CPEB1: variants seen among roughly 807,000 people sequenced by gnomAD.
The protein encoded by CPEB1 is cytoplasmic polyadenylation element-binding protein 1.
In CPEB1, 7 loss-of-function variants were observed where a neutral mutation model predicts 65.8. That is an observed-to-expected ratio of 0.11 (90% CI 0.06 to 0.20). The LOEUF is 0.20. Ranked by LOEUF, CPEB1 falls within the 10% of genes least tolerant of loss-of-function variation. The pLI, the probability that CPEB1 is intolerant of heterozygous loss-of-function variation, is 1.00. For missense variants in CPEB1, 551 were observed against 712.2 expected, an observed-to-expected ratio of 0.77 and a Z score of 2.58; for synonymous variants, 262 against 260.0, an observed-to-expected ratio of 1.01 and a Z score of -0.08.
At chr15:82,569,499 G>A (rs2039684829) in intron 4 of CPEB1, among the ~76,000 whole-genome samples, 1 of 152,192 alleles carries the variant, frequency 6.6e-6, no homozygotes, top group South Asian at 2.1e-4. Context: ...TCACTAAAGT[G>A]CTTGGGATGG....
chr15:82,613,706 T>C (rs922209449), intron 3 of CPEB1, among the ~76,000 whole-genome samples: 1 of 152,214 alleles, frequency 6.6e-6, no homozygotes, highest in African/African-American at 2.4e-5. Context: ...AAAAGAACTT[T>C]CTTAATCAGA....
intron 4 of CPEB1, among the ~76,000 whole-genome samples, chr15:82,563,902 T>C (rs1280520872): frequency 2.0e-5 from 3 of 152,140 alleles, no homozygotes; most frequent in East Asian, 3.8e-4. Context: ...AGGTAACTTA[T>C]CTAATCAGCA....
chr15:82,578,404 A>T (rs1372553716), intron 3 of CPEB1, among the ~76,000 whole-genome samples: 1 of 152,188 alleles, frequency 6.6e-6, no homozygotes, highest in Non-Finnish European at 1.5e-5. Flanking sequence ...CCATCTACTT[A>T]TTTTATGTGA....
chr15:82,613,878 G>A (rs2044425745), intron 3 of CPEB1, among the ~76,000 whole-genome samples: 1 of 151,856 alleles, frequency 6.6e-6, no homozygotes, highest in Admixed American at 6.6e-5. Flanking sequence ...CCCCCTCAAT[G>A]CCCCCCTGGG....
intron 4 of CPEB1, 116 bp from the exon 5 acceptor site, chr15:82,558,102 A>C: frequency 1.5e-6 from 1 of 686,500 alleles, no homozygotes; most frequent in Admixed American, 3.0e-5. Flanking sequence ...AACTAAAAGC[A>C]TGCCAGCAAA....
rs1197031834 is a variant in CPEB1, at chr15:82,616,332, A to G, written c.271+10861T>C. 2.6e-5 allele frequency among the ~76,000 whole-genome samples: 4 copies of G among 152,146 alleles called. No individual in the cohort carries two copies. The East Asian group carries it at 7.7e-4, about 29-fold the overall frequency. On this transcript the variant is annotated intron_variant, in intron 3 of 12. Coordinates refer to ENST00000684509, the MANE Select transcript of CPEB1 (RefSeq NM_001365242.1). ...AAACGATGTTTATGGACATACACAG[A>G]GAAGTATAAAAACACGGATGGGAAG...
In CPEB1 at chr15:82,639,579, G is replaced by T. The variant is rs987403757; in HGVS notation, c.-98+7558C>A. On this transcript the variant is annotated intron_variant, in intron 1 of 12. Coordinates refer to ENST00000684509, the MANE Select transcript of CPEB1 (RefSeq NM_001365242.1). ...TTTATCACTGTGCTACATATTAATA[G>T]ATGTGGATATATGTATTTATCCATA... Among the ~76,000 whole-genome samples the T allele has an allele frequency of 3.3e-5, 5 of 152,036 alleles. 1 individual carries two copies. Among genetic ancestry groups the T allele is most frequent in the Non-Finnish European group, 7.4e-5 (5 of 67,990 alleles).
chr15:82,582,109 T>G (rs993065069), intron 3 of CPEB1, among the ~76,000 whole-genome samples: 1 of 152,136 alleles, frequency 6.6e-6, no homozygotes, highest in African/African-American at 2.4e-5. Context: ...CACTGGGAAA[T>G]GAGCAGAGGA....
chr15:82,587,696 A>C (rs1480100607), intron 3 of CPEB1, among the ~76,000 whole-genome samples: 1 of 152,244 alleles, frequency 6.6e-6, no homozygotes, highest in African/African-American at 2.4e-5. Context: ...AGAAATTAAA[A>C]TCTAGGTATG....
In CPEB1 at chr15:82,618,989, A is replaced by T. The variant is rs573108615; in HGVS notation, c.271+8204T>A. 1.6e-4 allele frequency among the ~76,000 whole-genome samples: 25 copies of T among 152,340 alleles called. No homozygotes were observed. The South Asian group carries it at 5.2e-3, about 32-fold the overall frequency. ...GAGCTGAATCTATAATTTATATAGA[A>T]ATGTGAAGATCCAAGAAAAGCCAAG... is the stretch of plus-strand genomic sequence containing the variant. On this transcript the variant is annotated intron_variant, in intron 3 of 12. Transcript: ENST00000684509.
chr15:82,635,329 T>G (rs1165698777), intron 1 of CPEB1, among the ~76,000 whole-genome samples: 3 of 152,198 alleles, frequency 2.0e-5, no homozygotes, highest in Non-Finnish European at 2.9e-5. Context: ...AAGAATACAT[T>G]TTCCTTATGG....
In CPEB1 at chr15:82,628,181, A is replaced by G. The variant is rs557389544; in HGVS notation, c.96+183T>C. Reference sequence around the variant, plus strand: ...TGTTACAGAAAAATCCATGAAAGCCATCATGCCCAAAATAATAAATTCCTG... The same window carrying G: ...TGTTACAGAAAAATCCATGAAAGCCGTCATGCCCAAAATAATAAATTCCTG... On this transcript the variant is annotated intron_variant, in intron 2 of 12. Transcript: ENST00000684509. The G allele has an allele frequency of 4.3e-6, 3 of 700,912 alleles. No individual in the cohort carries two copies. The East Asian group carries it at 8.0e-5, about 19-fold the overall frequency. 43.4% of individuals were successfully genotyped at this position (700,912 alleles called of 1,614,324 possible).
intron 3 of CPEB1, among the ~76,000 whole-genome samples, chr15:82,592,480 A>G (rs1318646357): frequency 6.6e-6 from 1 of 150,814 alleles, no homozygotes; most frequent in Non-Finnish European, 1.5e-5. Flanking sequence ...TAGGAGCTTG[A>G]GGTGGAAGGA....
At chr15:82,549,742 G>A (rs1331445869) in intron 9 of CPEB1, 84 bp from the exon 10 acceptor site, 2 of 1,326,212 alleles carry the variant, frequency 1.5e-6, no homozygotes, top group African/African-American at 2.9e-5. Context: ...GTGCTCTGGA[G>A]ATACTGAAGC....
chr15:82,559,186 A>G (rs993631243), intron 4 of CPEB1, among the ~76,000 whole-genome samples: 3 of 152,196 alleles, frequency 2.0e-5, no homozygotes, highest in Admixed American at 6.5e-5. Context: ...AAACCTCTCA[A>G]GACTGAAATC....
rs552124686 is a variant in CPEB1 at position 82,568,635 on chromosome 15, G to A, written c.460+2709C>T. Among the ~76,000 whole-genome samples, 312 of 152,306 alleles carry A rather than the reference G, an allele frequency of 2.0e-3. 1 individual carries two copies. Among genetic ancestry groups the A allele is most frequent in the Non-Finnish European group, 3.7e-3 (255 of 68,026 alleles). On this transcript the variant is annotated intron_variant, in intron 4 of 12. Transcript: ENST00000684509. ...GAAGTACTCTGGCCCCTGGAGAATGGTATCCATGTACCAGCCTAAAGCTAA... is the reference window on the plus strand; with the variant it reads ...GAAGTACTCTGGCCCCTGGAGAATGATATCCATGTACCAGCCTAAAGCTAA...
intron 3 of CPEB1, among the ~76,000 whole-genome samples, chr15:82,614,750 C>T (rs112878433): frequency 4.7e-5 from 7 of 148,104 alleles, no homozygotes; most frequent in Non-Finnish European, 8.8e-5. Flanking sequence ...AAGAAAGAAA[C>T]GAAACGAAAC....
chr15:82,644,894 C>T (rs1468251095), intron 1 of CPEB1, among the ~76,000 whole-genome samples: 1 of 152,230 alleles, frequency 6.6e-6, no homozygotes, highest in African/African-American at 2.4e-5. Context: ...TGGAGTCTTA[C>T]TACTTTATCT....
chr15:82,636,502 A>C (rs1304604434), intron 1 of CPEB1, among the ~76,000 whole-genome samples: 1 of 152,144 alleles, frequency 6.6e-6, no homozygotes, highest in Non-Finnish European at 1.5e-5. Context: ...TTGCTCTCTT[A>C]ACTCAGTGTG....
Sources: allele counts gnomAD v4.1 joint callset (sites outside exome capture counted in the v4.1 genomes callset), GRCh38; gene constraint gnomAD v4.1.1; transcripts MANE v1.5; gene names NCBI Gene and HGNC (gene_info 2026-07-23, HGNC 2026-07-21).